Variants in TGFBR3 observed in about 807,000 individuals in gnomAD.
TGFBR3 encodes the protein transforming growth factor beta receptor type 3.
Under a neutral mutation model 87.9 loss-of-function variants are expected in TGFBR3, and 46 were observed. The ratio of observed to expected loss-of-function variants is 0.52; its 90% CI spans 0.41 to 0.67. The LOEUF is 0.67. Among genes scored for constraint, TGFBR3 ranks in the 30% least tolerant of loss-of-function variants. TGFBR3 has a pLI of 0.00. For missense variants in TGFBR3, 866 were observed against 1,041.9 expected (o/e 0.83, Z 2.32); for synonymous variants, 381 against 391.6 (o/e 0.97, Z 0.32).
At chr1:91,698,947 A>C (rs373937041) in intron 14 of TGFBR3, among the ~76,000 whole-genome samples, 2 of 147,436 alleles carry the variant, frequency 1.4e-5, no homozygotes, top group Non-Finnish European at 3.0e-5. Flanking sequence ...CTCCACCACT[A>C]CCCTCCCCCC....
At chr1:91,744,944 G>T (rs929541472) in intron 4 of TGFBR3, among the ~76,000 whole-genome samples, 13 of 152,076 alleles carry the variant, frequency 8.5e-5, no homozygotes, top group African/African-American at 3.1e-4. Flanking sequence ...AGAAACCATA[G>T]CTCCCCAATG....
chr1:91,891,996 A>T (rs113212557), intron 2 of TGFBR3, among the ~76,000 whole-genome samples: 40 of 152,358 alleles, frequency 2.6e-4, no homozygotes, highest in Non-Finnish European at 1.2e-4. Flanking sequence ...TGCAGAGCAG[A>T]GTCCAAAGCA....
chr1:91,766,395 A>G (rs561563189), intron 3 of TGFBR3: 4 of 151,992 alleles, frequency 2.6e-5, no homozygotes, highest in Admixed American at 2.6e-4. Flanking sequence ...CTGTTTAGTA[A>G]GCCAGTATGC....
At chr1:91,866,139 T>C (rs1293359794) in intron 1 of TGFBR3, among the ~76,000 whole-genome samples, 1 of 152,094 alleles carries the variant, frequency 6.6e-6, no homozygotes, top group East Asian at 1.9e-4. Flanking sequence ...AACCATCACG[T>C]TCTAAACCAA....
chr1:91,856,418 C>T (rs1273628995), intron 2 of TGFBR3, among the ~76,000 whole-genome samples: 4 of 152,032 alleles, frequency 2.6e-5, no homozygotes, highest in Non-Finnish European at 4.4e-5. Flanking sequence ...GGATATCCCC[C>T]GACCCACCCG....
chr1:91,757,972 CATG>C (rs1431229365), intron 4 of TGFBR3, among the ~76,000 whole-genome samples: 3 of 152,190 alleles, frequency 2.0e-5, no homozygotes, highest in Non-Finnish European at 4.4e-5. Context: ...CATCATCAGA[CATG>C]ATATCACACC....
intron 16 of TGFBR3, among the ~76,000 whole-genome samples, chr1:91,695,094 G>A (rs1286860135): frequency 6.9e-6 from 1 of 145,732 alleles, no homozygotes; most frequent in Admixed American, 7.1e-5. Flanking sequence ...TGAAAATGAA[G>A]TGCTCTGTTT....
At chr1:91,730,040 G>A in intron 5 of TGFBR3, 67 bp from the exon 6 acceptor site, 8 of 1,583,942 alleles carry the variant, frequency 5.1e-6, no homozygotes, top group Non-Finnish European at 6.9e-6. Context: ...AAAGGAAGGA[G>A]GGTGACAGTG....
rs373804721 is a variant in TGFBR3 at position 91,715,474 on chromosome 1, T to C, written c.1866+762A>G. ...CTCATCCATAAAATGAAGATATTAT[T>C]AGCCTCCCTTATAGGATGGCTCTAA... On this transcript the variant is annotated intron_variant, in intron 12 of 16. Coordinates refer to ENST00000212355, the MANE Select transcript of TGFBR3 (RefSeq NM_003243.5). 1.4e-4 allele frequency among the ~76,000 whole-genome samples: 22 copies of C among 152,344 alleles called. 1 individual carries two copies. The highest frequency in any genetic ancestry group is 5.1e-4 in the African/African-American group (21 of 41,584).
chr1:91,814,150 G>A (rs11804539), intron 2 of TGFBR3, among the ~76,000 whole-genome samples: 37,334 of 152,066 alleles, frequency 0.25, 5,667 homozygotes, highest in Middle Eastern at 0.35. Context: ...GCCTTTCCAT[G>A]TTGATTAGAA....
intron 6 of TGFBR3, among the ~76,000 whole-genome samples, chr1:91,728,245 G>A (rs554908789): frequency 6.6e-6 from 1 of 151,756 alleles, no homozygotes; most frequent in Admixed American, 6.6e-5. Context: ...GCGGGGTGTT[G>A]GGATAAGGGA....
At chr1:91,874,635 T>C (rs1303425319) in intron 1 of TGFBR3, among the ~76,000 whole-genome samples, 2 of 151,984 alleles carry the variant, frequency 1.3e-5, no homozygotes, top group African/African-American at 4.8e-5. Flanking sequence ...GTAGCTGGGA[T>C]TACAGGCGCC....
intron 14 of TGFBR3, among the ~76,000 whole-genome samples, chr1:91,706,589 G>A (rs532072021): frequency 2.0e-5 from 3 of 152,322 alleles, no homozygotes; most frequent in South Asian, 4.1e-4. Context: ...CCCACCCCTT[G>A]TTTAGCATAT....
chr1:91,720,397 C>T (rs1005558885), intron 8 of TGFBR3, among the ~76,000 whole-genome samples, 167 bp from the exon 9 acceptor site: 10 of 152,204 alleles, frequency 6.6e-5, no homozygotes, highest in African/African-American at 2.4e-4. Context: ...AATTCTAGTC[C>T]TGGTGTTCTC....
chr1:91,802,187 T>C (rs1201390828), intron 2 of TGFBR3, among the ~76,000 whole-genome samples: 1 of 152,100 alleles, frequency 6.6e-6, no homozygotes, highest in Non-Finnish European at 1.5e-5. Context: ...GGAGAGACGC[T>C]CTTCTGCCAC....
At chr1:91,734,686 T>C in intron 5 of TGFBR3, 90 bp downstream of exon 5, 1 of 1,502,356 alleles carries the variant, frequency 6.7e-7, no homozygotes, top group Non-Finnish European at 9.3e-7. Context: ...TCTGTAATTC[T>C]GTGATTCCTT....
chr1:91,778,123 C>A (rs1674632689), intron 3 of TGFBR3, among the ~76,000 whole-genome samples: 1 of 150,902 alleles, frequency 6.6e-6, no homozygotes, highest in African/African-American at 2.4e-5. Context: ...GAGACCAGAT[C>A]TGCCCCCAGA....
chr1:91,830,484 G>A (rs1676815953), intron 2 of TGFBR3, among the ~76,000 whole-genome samples: 1 of 152,084 alleles, frequency 6.6e-6, no homozygotes, highest in Admixed American at 6.6e-5. Flanking sequence ...ACAGTGACTG[G>A]TGCTGCAAGC....
chr1:91,860,629 G>C (rs1381024578), intron 2 of TGFBR3, among the ~76,000 whole-genome samples: 1 of 151,998 alleles, frequency 6.6e-6, no homozygotes, highest in Non-Finnish European at 1.5e-5. Context: ...AATCTCATTT[G>C]GCCTCCAGGA....
Sources: gnomAD v4.1 joint callset for allele counts (sites outside exome capture counted in the v4.1 genomes callset) on GRCh38, gnomAD v4.1.1 for gene constraint, MANE v1.5 for transcripts, NCBI Gene and HGNC (gene_info 2026-07-23, HGNC 2026-07-21) for gene names.